Variants in MET observed in about 807,000 individuals in gnomAD.
MET encodes the protein hepatocyte growth factor receptor.
Under a neutral mutation model 133.1 loss-of-function variants are expected in MET, and 48 were observed. That is an observed-to-expected ratio of 0.36 (90% CI 0.29 to 0.46). MET has a LOEUF of 0.46. Ranked by LOEUF, MET falls within the 20% of genes least tolerant of loss-of-function variation. The pLI, the probability that MET is intolerant of heterozygous loss-of-function variation, is 1.00. For synonymous variants in MET, 628 were observed against 616.5 expected, an observed-to-expected ratio of 1.02 and a Z score of -0.28; for missense variants, 1,442 against 1,695.9, an observed-to-expected ratio of 0.85 and a Z score of 2.63.
At chr7:116,688,584 A>T (rs1269444000) in intron 1 of MET, among the ~76,000 whole-genome samples, 1 of 152,226 alleles carries the variant, frequency 6.6e-6, no homozygotes, top group Non-Finnish European at 1.5e-5. Flanking sequence ...CATTATGTAC[A>T]ATGGTAAAAA....
intron 5 of MET, among the ~76,000 whole-genome samples, chr7:116,754,070 G>A (rs1794032030): frequency 6.6e-6 from 1 of 152,174 alleles, no homozygotes; most frequent in Non-Finnish European, 1.5e-5. Flanking sequence ...AGGAGTTTGA[G>A]GCTGCAGTGA....
chr7:116,726,002 A>C (rs1301774834), intron 2 of MET, among the ~76,000 whole-genome samples: 3 of 148,274 alleles, frequency 2.0e-5, no homozygotes, highest in African/African-American at 7.4e-5. Flanking sequence ...ACATCACTGC[A>C]CTCCAGCATG....
intron 9 of MET, 44 bp downstream of exon 9, chr7:116,758,664 A>G (rs768631933): frequency 1.3e-6 from 2 of 1,587,088 alleles, no homozygotes; most frequent in Non-Finnish European, 1.7e-6. Context: ...AATGAATACA[A>G]GGATGATTTT....
At chr7:116,765,336 T>C (rs1167198668) in intron 11 of MET, among the ~76,000 whole-genome samples, 2 of 150,532 alleles carry the variant, frequency 1.3e-5, no homozygotes, top group Non-Finnish European at 3.0e-5. Context: ...GAAAGTGTTC[T>C]GGAGAGAATC....
intron 2 of MET, among the ~76,000 whole-genome samples, chr7:116,707,254 A>G (rs1158036966): frequency 3.3e-5 from 5 of 152,142 alleles, no homozygotes; most frequent in South Asian, 4.1e-4. Context: ...ACAAATGGGG[A>G]AAAATGATTT....
At chr7:116,784,043 A>G (rs988583716) in intron 19 of MET, among the ~76,000 whole-genome samples, 1 of 152,232 alleles carries the variant, frequency 6.6e-6, no homozygotes, top group Non-Finnish European at 1.5e-5. Flanking sequence ...CCCTTCCACC[A>G]TATGGAGAAG....
intron 6 of MET, 152 bp downstream of exon 6, chr7:116,755,667 T>C: frequency 1.0e-6 from 1 of 973,858 alleles, no homozygotes; most frequent in Non-Finnish European, 1.6e-6. Context: ...TTCTGTTTTG[T>C]TCTTGTAATC....
chr7:116,700,068 G>T lies in MET; in HGVS notation c.984G>T (p.Gln328His). 6.2e-7 allele frequency: 1 copy of T among 1,613,426 alleles called. No homozygotes were observed. Among genetic ancestry groups the T allele is most frequent in the South Asian group, 1.1e-5 (1 of 90,978 alleles). Residue 328 changes from glutamine to histidine, a missense_variant, in exon 2 of 21, where the codon CAG becomes CAT. Around this residue, in one of 6 missense-constraint regions of MET, gnomAD observed 762 missense variants for 792.4 expected, o/e 0.96. Transcript: ENST00000397752. ...QAAYVSKPGA[Q>H]LARQIGASLN... ...CGTATGTCAGCAAGCCTGGGGCCCA[G>T]CTTGCTAGACAAATAGGAGCCAGCC... is the stretch of plus-strand genomic sequence containing the variant.
In MET at chr7:116,797,734, GCA is replaced by G. The variant is rs779688649; in HGVS notation, c.*1611_*1612del. On this transcript the variant is annotated 3_prime_UTR_variant, in exon 21 of 21. Transcript: ENST00000397752. ...GTATGTCAGACTGGGATTAATGACA[GCA>G]TGATTTTCAATGACTGTAAATTGCG... is the stretch of plus-strand genomic sequence containing the variant. 24 of 228,106 alleles carry G rather than the reference GCA, an allele frequency of 1.1e-4. No individual in the cohort carries two copies. The highest frequency in any genetic ancestry group is 1.8e-4 in the Non-Finnish European group (21 of 114,742). The allele number at this position is 228,106 out of a possible 1,614,324, so 14.1% of individuals were successfully genotyped here.
At chr7:116,722,317 T>C (rs1328305260) in intron 2 of MET, among the ~76,000 whole-genome samples, 1 of 151,292 alleles carries the variant, frequency 6.6e-6, no homozygotes, top group East Asian at 1.9e-4. Context: ...TGCCTTTTTT[T>C]GTTTTCCATT....
intron 14 of MET, among the ~76,000 whole-genome samples, chr7:116,772,432 C>G (rs569467794): frequency 6.6e-6 from 1 of 152,290 alleles, no homozygotes; most frequent in African/African-American, 2.4e-5. Flanking sequence ...TGTTAGTACA[C>G]AGCCTTTTTC....
At chr7:116,731,923 G>GT (rs763566579) in intron 3 of MET, 64 bp downstream of exon 3, 2 of 1,537,604 alleles carry the variant, frequency 1.3e-6, no homozygotes, top group South Asian at 1.1e-5. Flanking sequence ...ATTTGTTTTC[G>GT]TTTTTGCAGT....
chr7:116,702,865 AC>A (rs1218964250), intron 2 of MET, among the ~76,000 whole-genome samples: 2 of 152,088 alleles, frequency 1.3e-5, no homozygotes, highest in African/African-American at 4.8e-5. Context: ...TGTTTCTATC[AC>A]AAGATCAGAT....
intron 1 of MET, among the ~76,000 whole-genome samples, chr7:116,677,344 C>G (rs1436759130): frequency 1.3e-5 from 2 of 152,146 alleles, no homozygotes; most frequent in Non-Finnish European, 2.9e-5. Context: ...CCTTATTCCC[C>G]TATTTATATC....
intron 1 of MET, among the ~76,000 whole-genome samples, chr7:116,684,987 G>T (rs536116467): frequency 6.6e-6 from 1 of 152,178 alleles, no homozygotes; most frequent in Non-Finnish European, 1.5e-5. Context: ...AGCCAATAAG[G>T]AGATGGACAT....
chr7:116,699,261 G>A lies in MET; in HGVS notation c.177G>A (p.Glu59=), dbSNP rs1432977273. ...CCATCCAGAATGTCATTCTACATGA[G>A]CATCACATTTTCCTTGGTGCCACTA... ...ETPIQNVILH[E]HHIFLGATNY... is the part of the protein sequence containing the mutation. Residue 59 remains glutamate (E), a synonymous_variant, in exon 2 of 21, where the codon GAG becomes GAA. Transcript: ENST00000397752. The A allele has an allele frequency of 1.2e-6, 2 of 1,613,842 alleles. No individual in the cohort carries two copies. Among genetic ancestry groups the A allele is most frequent in the Admixed American group, 1.7e-5 (1 of 59,966 alleles).
chr7:116,781,833 C>T (rs1039216160), intron 17 of MET, among the ~76,000 whole-genome samples, 155 bp from the exon 18 acceptor site: 1 of 152,216 alleles, frequency 6.6e-6, no homozygotes, highest in African/African-American at 2.4e-5. Context: ...TCGCCTTGGC[C>T]TCTCAAAGTT....
In MET at chr7:116,757,344, C is replaced by T. The variant is rs932004630; in HGVS notation, c.1863-93C>T. ...TGCTTGCTATTCAAAGCAGTCAGCT[C>T]ACCATTTAGAGTTAATGTCACTTCC... On this transcript the variant is annotated intron_variant, in intron 6 of 20. Coordinates refer to ENST00000397752, the MANE Select transcript of MET (RefSeq NM_000245.4). 3 of 1,000,022 alleles carry T rather than the reference C, an allele frequency of 3.0e-6. No homozygotes were observed. The Admixed American group carries it at 5.8e-5, about 19-fold the overall frequency. 61.9% of individuals were successfully genotyped at this position (1,000,022 alleles called of 1,614,324 possible).
chr7:116,757,984 A>G (rs1794254060), intron 8 of MET, among the ~76,000 whole-genome samples: 1 of 152,054 alleles, frequency 6.6e-6, no homozygotes, highest in African/African-American at 2.4e-5. Flanking sequence ...TAGCAATCCT[A>G]CTTTTCAGTT....
Sources: allele counts gnomAD v4.1 joint callset (sites outside exome capture counted in the v4.1 genomes callset), GRCh38; gene constraint gnomAD v4.1.1; regional missense constraint gnomAD v4.1.1; transcripts MANE v1.5; gene names NCBI Gene and HGNC (gene_info 2026-07-23, HGNC 2026-07-21).